Variants in MAF observed in about 807,000 individuals in gnomAD.
MAF encodes the protein MAF bZIP transcription factor.
In MAF, 10 loss-of-function variants were observed where a neutral mutation model predicts 22.0. That is an observed-to-expected ratio of 0.45 (90% CI 0.28 to 0.77). The LOEUF is 0.77. Among genes scored for constraint, MAF ranks in the 30% least tolerant of loss-of-function variants. The pLI is 0.12. For missense variants in MAF, 544 were observed against 548.4 expected (o/e 0.99, Z 0.08); for synonymous variants, 337 against 255.8 (o/e 1.32, Z -3.03).
the MAF span, among the ~76,000 whole-genome samples, chr16:79,389,251 C>G: frequency 6.6e-6 from 1 of 152,068 alleles, no homozygotes; most frequent in Non-Finnish European, 1.5e-5. Flanking sequence ...GAAGATCGCT[C>G]TTTATTTATT....
chr16:79,246,972 A>G, the MAF span, among the ~76,000 whole-genome samples: 1 of 152,256 alleles, frequency 6.6e-6, no homozygotes, highest in East Asian at 1.9e-4. Flanking sequence ...AGAGTAAACA[A>G]CCAAACAAAC....
chr16:79,475,562 C>T, the MAF span, among the ~76,000 whole-genome samples: 1 of 151,934 alleles, frequency 6.6e-6, no homozygotes, highest in African/African-American at 2.4e-5. Flanking sequence ...CTATATGGCT[C>T]TGAGTAGGAA....
At chr16:79,212,773 G>A in the MAF span, 1 of 151,964 alleles carries the variant, frequency 6.6e-6, no homozygotes, top group Non-Finnish European at 1.5e-5. Context: ...TTCTAATAAA[G>A]CGCTTCTCGT....
At chr16:79,249,795 T>C in the MAF span, among the ~76,000 whole-genome samples, 1 of 152,020 alleles carries the variant, frequency 6.6e-6, no homozygotes, top group South Asian at 2.1e-4. Flanking sequence ...ATGGAGCTAA[T>C]TTACAACTTG....
At chr16:79,220,548 T>C in the MAF span, among the ~76,000 whole-genome samples, 2 of 152,336 alleles carry the variant, frequency 1.3e-5, no homozygotes, top group South Asian at 4.1e-4. Context: ...GATAGATATA[T>C]GGTAGTTACT....
chr16:79,246,241 C>A, the MAF span, among the ~76,000 whole-genome samples: 1 of 151,988 alleles, frequency 6.6e-6, no homozygotes, highest in Admixed American at 6.6e-5. Flanking sequence ...AGTGCACACC[C>A]ACATAAGCAT....
the MAF span, among the ~76,000 whole-genome samples, chr16:79,276,682 G>C: frequency 6.6e-6 from 1 of 152,170 alleles, no homozygotes; most frequent in Non-Finnish European, 1.5e-5. Context: ...CTCTGAGAAA[G>C]GATGGTCATG....
the MAF span, among the ~76,000 whole-genome samples, chr16:79,209,440 C>T: frequency 1.5e-4 from 23 of 152,276 alleles, no homozygotes; most frequent in African/African-American, 2.2e-4. Flanking sequence ...TCTTTCCTCA[C>T]GCTTGGCAGA....
the MAF span, among the ~76,000 whole-genome samples, chr16:79,216,863 G>T: frequency 2.0e-5 from 3 of 150,156 alleles, no homozygotes; most frequent in African/African-American, 7.4e-5. Context: ...AGGCTGGAGT[G>T]CAGCGGCACG....
the MAF span, among the ~76,000 whole-genome samples, chr16:79,376,778 GT>G: frequency 6.6e-6 from 1 of 152,104 alleles, no homozygotes; most frequent in Non-Finnish European, 1.5e-5. Flanking sequence ...CGTGGTGTTT[GT>G]TTTTTGTCCT....
At chr16:79,319,404 G>C in the MAF span, among the ~76,000 whole-genome samples, 1 of 152,302 alleles carries the variant, frequency 6.6e-6, no homozygotes, top group East Asian at 1.9e-4. Flanking sequence ...TGTACATATA[G>C]TGCTTCTTTA....
intron 1 of MAF, chr16:79,596,675 T>C (rs1913545140): frequency 1.9e-6 from 2 of 1,036,660 alleles, no homozygotes; most frequent in African/African-American, 1.7e-5. Flanking sequence ...TAAGATTTAC[T>C]TTTCATTTCT....
At chr16:79,231,958 A>G in the MAF span, among the ~76,000 whole-genome samples, 1 of 152,020 alleles carries the variant, frequency 6.6e-6, no homozygotes, top group South Asian at 2.1e-4. Flanking sequence ...TTAGACTCTC[A>G]TAAGGAGCAC....
the MAF span, among the ~76,000 whole-genome samples, chr16:79,258,064 C>T: frequency 1.3e-5 from 2 of 152,194 alleles, no homozygotes; most frequent in Non-Finnish European, 2.9e-5. Context: ...CGCGTCTCAG[C>T]TGCTTTGCGT....
the MAF span, among the ~76,000 whole-genome samples, chr16:79,387,897 A>T: frequency 2.0e-5 from 3 of 152,230 alleles, no homozygotes; most frequent in African/African-American, 7.2e-5. Context: ...TGAGGGCAGA[A>T]GTTTTATTCA....
chr16:79,385,409 T>C, the MAF span, among the ~76,000 whole-genome samples: 1 of 152,220 alleles, frequency 6.6e-6, no homozygotes, highest in South Asian at 2.1e-4. Context: ...ATGCATAAAA[T>C]TATGCTTTTT....
chr16:79,366,673 T>C, the MAF span, among the ~76,000 whole-genome samples: 2 of 152,332 alleles, frequency 1.3e-5, no homozygotes, highest in Non-Finnish European at 2.9e-5. Context: ...CATGACTTCT[T>C]TATCTCTCCC....
the MAF span, among the ~76,000 whole-genome samples, chr16:79,564,889 C>G: frequency 6.6e-6 from 1 of 152,286 alleles, no homozygotes; most frequent in Non-Finnish European, 1.5e-5. Context: ...ATTCCTTGCT[C>G]TTACGAAGGA....
At chr16:79,473,497 A>G in the MAF span, among the ~76,000 whole-genome samples, 2 of 152,260 alleles carry the variant, frequency 1.3e-5, no homozygotes, top group South Asian at 4.1e-4. Context: ...TGGGAAAACC[A>G]TAAAAAATGC....
Sources: gnomAD v4.1 joint callset for allele counts (sites outside exome capture counted in the v4.1 genomes callset) on GRCh38, gnomAD v4.1.1 for gene constraint, MANE v1.5 for transcripts, NCBI Gene and HGNC (gene_info 2026-07-23, HGNC 2026-07-21) for gene names.